Variants in DOK6 observed in about 807,000 individuals in gnomAD.
DOK6 encodes the protein docking protein 6.
Under a neutral mutation model 44.0 loss-of-function variants are expected in DOK6, and 22 were observed. The observed-to-expected ratio is 0.50, with a 90% confidence interval of 0.36 to 0.71. The LOEUF is 0.71. Among genes scored for constraint, DOK6 ranks in the 30% least tolerant of loss-of-function variants. The pLI, the probability that DOK6 is intolerant of heterozygous loss-of-function variation, is 0.00. For missense variants in DOK6, 340 were observed against 416.4 expected (o/e 0.82, Z 1.60); for synonymous variants, 166 against 145.5 (o/e 1.14, Z -1.01).
Position 69,843,110 on chromosome 18 carries a change from A to G in DOK6, c.*1727A>G, listed in dbSNP as rs1982270604. 1 of 152,140 alleles carries G rather than the reference A, an allele frequency of 6.6e-6. No individual in the cohort carries two copies. Among genetic ancestry groups the G allele is most frequent in the South Asian group, 2.1e-4 (1 of 4,826 alleles). The allele number at this position is 152,140 out of a possible 1,614,324, so 9.4% of individuals were successfully genotyped here. On this transcript the variant is annotated 3_prime_UTR_variant, in exon 8 of 8. Transcript: ENST00000382713. ...TTACAGCAACTACCTAGGCTCTCCA[A>G]ATCACTCCACTCGGTATGAAAACCC...
At chr18:69,537,360 A>G (rs1301536478) in intron 1 of DOK6, among the ~76,000 whole-genome samples, 1 of 152,002 alleles carries the variant, frequency 6.6e-6, no homozygotes, top group Non-Finnish European at 1.5e-5. Context: ...TCTTTGTCTC[A>G]GTGCACACTG....
At chr18:69,627,660 A>G (rs529796859) in intron 3 of DOK6, among the ~76,000 whole-genome samples, 1 of 152,040 alleles carries the variant, frequency 6.6e-6, no homozygotes, top group Non-Finnish European at 1.5e-5. Flanking sequence ...CGTGTTAGCC[A>G]GGATGGTCTC....
intron 1 of DOK6, among the ~76,000 whole-genome samples, chr18:69,451,609 AT>A (rs1250881536): frequency 4.0e-5 from 1 of 25,050 alleles, no homozygotes; most frequent in Non-Finnish European, 6.9e-5. Context: ...CAGAATATAC[AT>A]TTTTTTCAGC....
At chr18:69,445,753 G>T (rs978695700) in intron 1 of DOK6, among the ~76,000 whole-genome samples, 1 of 152,052 alleles carries the variant, frequency 6.6e-6, no homozygotes, top group East Asian at 1.9e-4. Context: ...AGGCATAGTG[G>T]CTCATGTCTA....
At chr18:69,735,222 T>A (rs1274649876) in intron 5 of DOK6, among the ~76,000 whole-genome samples, 3 of 152,230 alleles carry the variant, frequency 2.0e-5, no homozygotes, top group Non-Finnish European at 2.9e-5. Context: ...TTAGATTCCA[T>A]AGAGGAATGT....
At chr18:69,779,689 C>CGTGTGT (rs58775349) in intron 7 of DOK6, among the ~76,000 whole-genome samples, 4,744 of 146,850 alleles carry the variant, frequency 0.032, 89 homozygotes, top group Middle Eastern at 0.045. Flanking sequence ...CTCTCTGCCC[C>CGTGTGT]GTGTGTGTGT....
At chr18:69,411,489 T>C (rs2122390750) in intron 1 of DOK6, among the ~76,000 whole-genome samples, 1 of 152,218 alleles carries the variant, frequency 6.6e-6, no homozygotes, top group South Asian at 2.1e-4. Flanking sequence ...CACAGAAGTA[T>C]TTTGTTTTTC....
chr18:69,433,043 G>A (rs1328433554), intron 1 of DOK6, among the ~76,000 whole-genome samples: 1 of 152,194 alleles, frequency 6.6e-6, no homozygotes, highest in Non-Finnish European at 1.5e-5. Flanking sequence ...CAAAGTCATA[G>A]AAGTGGAGGT....
At chr18:69,704,245 A>G (rs1377512529) in intron 5 of DOK6, among the ~76,000 whole-genome samples, 1 of 152,038 alleles carries the variant, frequency 6.6e-6, no homozygotes, top group Non-Finnish European at 1.5e-5. Context: ...CCCACCCCAC[A>G]TCTGCGAGGG....
intron 1 of DOK6, among the ~76,000 whole-genome samples, chr18:69,517,325 GA>G (rs202009718): frequency 1.3e-4 from 19 of 150,018 alleles, no homozygotes; most frequent in Non-Finnish European, 2.5e-4. Flanking sequence ...CTGCATAGGG[GA>G]AAAAAAAACA....
rs370477218 is a variant in DOK6, at chr18:69,780,522, A to G, written c.856+22649A>G. Reference sequence around the variant, plus strand: ...CAGGAGAGTCACTTGAACCCAGGAGATGGAGGTTGTAGTGAGCAGAGATTG... The same window carrying G: ...CAGGAGAGTCACTTGAACCCAGGAGGTGGAGGTTGTAGTGAGCAGAGATTG... On this transcript the variant is annotated intron_variant, in intron 7 of 7. Coordinates refer to ENST00000382713, the MANE Select transcript of DOK6 (RefSeq NM_152721.6). Among the ~76,000 whole-genome samples, 9 of 152,256 alleles carry G rather than the reference A, an allele frequency of 5.9e-5. No individual in the cohort carries two copies. The East Asian group carries it at 1.2e-3, about 20-fold the overall frequency.
chr18:69,607,386 C>T (rs1984027727), intron 3 of DOK6, among the ~76,000 whole-genome samples: 1 of 151,984 alleles, frequency 6.6e-6, no homozygotes, highest in Non-Finnish European at 1.5e-5. Context: ...TAACAAAAAG[C>T]TACAGCAATA....
At chr18:69,773,425 G>C (rs372013126) in intron 7 of DOK6, among the ~76,000 whole-genome samples, 5 of 152,026 alleles carry the variant, frequency 3.3e-5, no homozygotes, top group African/African-American at 1.2e-4. Context: ...CAATAGCCAA[G>C]ATATGGAAAC....
chr18:69,694,089 A>AAAAT (rs1372739323), intron 4 of DOK6, among the ~76,000 whole-genome samples: 7 of 144,244 alleles, frequency 4.9e-5, no homozygotes, highest in Non-Finnish European at 9.1e-5. Context: ...AAAAAAAAAA[A>AAAAT]ATTGATCTAT....
intron 7 of DOK6, chr18:69,832,596 A>G (rs1317737352): frequency 6.6e-6 from 1 of 152,040 alleles, no homozygotes; most frequent in Non-Finnish European, 1.5e-5. Flanking sequence ...GTTTAAGTGA[A>G]ACTGGTATTA....
At chr18:69,656,288 A>T (rs1469661994) in intron 3 of DOK6, among the ~76,000 whole-genome samples, 1 of 151,884 alleles carries the variant, frequency 6.6e-6, no homozygotes. Flanking sequence ...AAAGCAAAGG[A>T]AATTGATTAA....
At chr18:69,727,836 T>C (rs1368818243) in intron 5 of DOK6, among the ~76,000 whole-genome samples, 2 of 152,232 alleles carry the variant, frequency 1.3e-5, no homozygotes, top group African/African-American at 2.4e-5. Flanking sequence ...GGGATAATTA[T>C]AGCTTGCCAT....
chr18:69,451,771 C>T (rs1979474060), intron 1 of DOK6, among the ~76,000 whole-genome samples: 1 of 124,878 alleles, frequency 8.0e-6, no homozygotes, highest in Non-Finnish European at 1.6e-5. Flanking sequence ...CTCAAAACCG[C>T]TCAACTACAT....
chr18:69,470,897 G>A (rs1030815521), intron 1 of DOK6, among the ~76,000 whole-genome samples: 1 of 152,112 alleles, frequency 6.6e-6, no homozygotes, highest in African/African-American at 2.4e-5. Context: ...GGGGCTCAGA[G>A]TAAATACTTA....
Sources: gnomAD v4.1 joint callset for allele counts (sites outside exome capture counted in the v4.1 genomes callset) on GRCh38, gnomAD v4.1.1 for gene constraint, MANE v1.5 for transcripts, NCBI Gene and HGNC (gene_info 2026-07-23, HGNC 2026-07-21) for gene names.